Variants in FGF17 observed in about 807,000 individuals in gnomAD.
FGF17 encodes fibroblast growth factor 17.
In FGF17, 5 loss-of-function variants were observed where a neutral mutation model predicts 23.5. That is an observed-to-expected ratio of 0.21 (90% confidence interval 0.11 to 0.45). The LOEUF is 0.45. Among genes scored for constraint, FGF17 ranks in the 20% least tolerant of loss-of-function variants. The probability of loss-of-function intolerance (pLI) is 0.99; values close to 1 mark genes in which losing one functional copy is unlikely to be tolerated. For synonymous variants in FGF17, 136 were observed against 123.0 expected (o/e 1.11, Z -0.70); for missense variants, 221 against 306.9 (o/e 0.72, Z 2.09).
chr8:22,044,758 CAGTA>C (rs1259817454), intron 2 of FGF17: 2 of 985,444 alleles, frequency 2.0e-6, no homozygotes, highest in Non-Finnish European at 2.4e-6. Context: ...CAACGGTGCA[CAGTA>C]AGTGTTAACC....
At chr8:22,042,453 G>T (rs915272111), upstream of FGF17, 1 of 190,144 alleles carries the variant, frequency 5.3e-6, no homozygotes, top group Non-Finnish European at 1.1e-5. Context: ...GAGGTGGGGC[G>T]CCAGACCTGA....
chr8:22,042,928 G>C lies in FGF17; in HGVS notation c.-1G>C. ...CAACCGCCTGAGGAACCTCTCCAGC[G>C]ATGGGAGCCGCCCGCCTGCTGCCCA... On this transcript the variant is annotated 5_prime_UTR_variant, in exon 1 of 5. Transcript: ENST00000359441. 6.2e-7 allele frequency: 1 copy of C among 1,613,392 alleles called. No homozygotes were observed. The highest frequency in any genetic ancestry group is 8.5e-7 in the Non-Finnish European group (1 of 1,179,758).
intron 2 of FGF17, among the ~76,000 whole-genome samples, chr8:22,044,358 G>A (rs1202309624): frequency 2.6e-5 from 4 of 152,124 alleles, no homozygotes; most frequent in Admixed American, 2.6e-4. Context: ...TGGTGGAAGG[G>A]GAGGTCCTCC....
In FGF17 at chr8:22,048,465, G is replaced by A; in HGVS notation, c.*216G>A. 3.4e-6 allele frequency: 2 copies of A among 588,174 alleles called. No individual in the cohort carries two copies. Among genetic ancestry groups the A allele is most frequent in the Non-Finnish European group, 6.1e-6 (2 of 330,544 alleles). 36.4% of individuals were successfully genotyped at this position (588,174 alleles called of 1,614,324 possible). On this transcript the variant is annotated 3_prime_UTR_variant, in exon 5 of 5. Transcript: ENST00000359441. This position sits in a 1 kb window ranked among gnomAD's most constrained non-coding sequence, Gnocchi z 6.9. ...CTTCCCGGACGGGTGGCAGGCCCTG[G>A]AGAGGAACTGAGTGTCACCCTGATC...
chr8:22,042,896 A>G lies in FGF17; in HGVS notation c.-33A>G, dbSNP rs776795875. The G allele has an allele frequency of 1.2e-6, 2 of 1,612,408 alleles. No individual in the cohort carries two copies. Among genetic ancestry groups the G allele is most frequent in the Non-Finnish European group, 1.7e-6 (2 of 1,179,342 alleles). ...CACATCTGCTCCTGAGCTTGGGGGCAGGGGGGCAACCGCCTGAGGAACCTC... is the reference window on the plus strand; with the variant it reads ...CACATCTGCTCCTGAGCTTGGGGGCGGGGGGGCAACCGCCTGAGGAACCTC... On this transcript the variant is annotated 5_prime_UTR_variant, in exon 1 of 5. Coordinates refer to ENST00000359441, the MANE Select transcript of FGF17 (RefSeq NM_003867.4).
At chr8:22,040,520 C>A (rs1434691602), upstream of FGF17, among the ~76,000 whole-genome samples, 1 of 152,236 alleles carries the variant, frequency 6.6e-6, no homozygotes, top group African/African-American at 2.4e-5. Flanking sequence ...CCAGCCATGC[C>A]CAGAGCTAAC....
At chr8:22,043,118 C>G in intron 1 of FGF17, 27 bp from the exon 2 acceptor site, 2 of 1,613,408 alleles carry the variant, frequency 1.2e-6, no homozygotes, top group South Asian at 1.1e-5. Context: ...GCACCCACAC[C>G]TGGGCTTACC....
intron 2 of FGF17, chr8:22,044,563 G>A (rs534280686): frequency 9.3e-4 from 421 of 453,600 alleles, no homozygotes; most frequent in Non-Finnish European, 1.1e-3. Context: ...CAAGAGGGGC[G>A]GAGGGCCTGA....
intron 2 of FGF17, chr8:22,044,859 A>C (rs1347207297): frequency 1.0e-6 from 1 of 985,176 alleles, no homozygotes; most frequent in Non-Finnish European, 1.2e-6. Context: ...TCCCTAGGAG[A>C]GAGTAGCCCC....
At chr8:22,045,231 C>T in intron 2 of FGF17, 12 of 985,560 alleles carry the variant, frequency 1.2e-5, no homozygotes, top group African/African-American at 1.7e-5. Context: ...AAAGGGGAAG[C>T]AGGTGGGCGG....
In FGF17 at chr8:22,048,433, G is replaced by A. The variant is rs942605015; in HGVS notation, c.*184G>A. ...CGGTGCCCCAGGGGCGGCTGGCACA[G>A]TGCCCCCTTCCCGGACGGGTGGCAG... On this transcript the variant is annotated 3_prime_UTR_variant, in exon 5 of 5. Transcript: ENST00000359441. This position sits in a 1 kb window ranked among gnomAD's most constrained non-coding sequence, Gnocchi z 6.9. The A allele has an allele frequency of 2.1e-5, 13 of 614,590 alleles. No individual in the cohort carries two copies. Among genetic ancestry groups the A allele is most frequent in the African/African-American group, 1.1e-4 (6 of 54,104 alleles). 38.1% of individuals were successfully genotyped at this position (614,590 alleles called of 1,614,324 possible).
rs370093040 is a variant in FGF17 at position 22,046,676 on chromosome 8, T to G, written c.357+43T>G. The G allele has an allele frequency of 1.0e-3, 1,436 of 1,389,822 alleles. 14 individuals are homozygous for G. The highest frequency in any genetic ancestry group is 3.5e-4 in the Middle Eastern group (2 of 5,656). The allele number at this position is 1,389,822 out of a possible 1,614,324, so 86.1% of individuals were successfully genotyped here. ...GGAAGTAACAGAGAATCAGCCCTAC[T>G]GGGGTGGGGACATATAGGGCATCAT... On this transcript the variant is annotated intron_variant, in intron 4 of 4. Coordinates refer to ENST00000359441, the MANE Select transcript of FGF17 (RefSeq NM_003867.4).
At chr8:22,039,948 G>A (rs1038633127), upstream of FGF17, among the ~76,000 whole-genome samples, 3 of 152,066 alleles carry the variant, frequency 2.0e-5, no homozygotes, top group African/African-American at 4.8e-5. Context: ...GACCCCAGCT[G>A]GGGGGTGTTG....
chr8:22,044,243 G>A (rs892251007), intron 2 of FGF17, among the ~76,000 whole-genome samples: 3 of 152,078 alleles, frequency 2.0e-5, no homozygotes, highest in African/African-American at 4.8e-5. Flanking sequence ...GTGGCAAAGC[G>A]GTCCTTTCCC....
Position 22,048,341 on chromosome 8 carries a change from CCAGA to C in FGF17, c.*93_*96del. On this transcript the variant is annotated 3_prime_UTR_variant, in exon 5 of 5. Coordinates refer to ENST00000359441, the MANE Select transcript of FGF17 (RefSeq NM_003867.4). This position sits in a 1 kb window ranked among gnomAD's most constrained non-coding sequence, Gnocchi z 6.9. ...CTGGGCTGGGGTGGCGGGAGGGGAG[CCAGA>C]TCCCCGAGGGAGGACCCTGAGGGCC... 1 of 1,163,060 alleles carries C rather than the reference CCAGA, an allele frequency of 8.6e-7. No homozygotes were observed. Among genetic ancestry groups the C allele is most frequent in the Non-Finnish European group, 1.2e-6 (1 of 841,096 alleles). The allele number at this position is 1,163,060 out of a possible 1,614,324, so 72.0% of individuals were successfully genotyped here. A position where few individuals can be genotyped will look rare whatever the true frequency, so the allele number is the denominator to read the frequency against.
At position 22,046,482 on chromosome 8, in the gene FGF17, G is replaced by A. The variant is rs768406192; in HGVS notation, c.251-45G>A. On this transcript the variant is annotated intron_variant, in intron 3 of 4. Coordinates refer to ENST00000359441, the MANE Select transcript of FGF17 (RefSeq NM_003867.4). Reference sequence around the variant, plus strand: ...TGGTCCCCTGCTGTAGCCATAGGCCGGCAGCCCCGATGGACGGAGGTCTTT... The same window carrying A: ...TGGTCCCCTGCTGTAGCCATAGGCCAGCAGCCCCGATGGACGGAGGTCTTT... 15 of 1,532,356 alleles carry A rather than the reference G, an allele frequency of 9.8e-6. No homozygotes were observed. In the South Asian group the frequency reaches 1.0e-4, roughly 10 times the overall value. The allele number at this position is 1,532,356 out of a possible 1,614,324, so 94.9% of individuals were successfully genotyped here. A position where few individuals can be genotyped will look rare whatever the true frequency, so the allele number is the denominator to read the frequency against.
At chr8:22,041,585 T>C (rs1476303530), upstream of FGF17, among the ~76,000 whole-genome samples, 1 of 152,176 alleles carries the variant, frequency 6.6e-6, no homozygotes, top group Admixed American at 6.5e-5. Flanking sequence ...TGGAGCTCTC[T>C]GTTCACCGGT....
At chr8:22,045,162 C>T (rs548882516) in intron 2 of FGF17, 484 of 985,450 alleles carry the variant, frequency 4.9e-4, no homozygotes, top group South Asian at 1.2e-3. Flanking sequence ...AGCTGGGAGG[C>T]GGTACTCCTC....
intron 2 of FGF17, among the ~76,000 whole-genome samples, chr8:22,044,031 C>A (rs904091088): frequency 6.6e-6 from 1 of 151,826 alleles, no homozygotes; most frequent in Non-Finnish European, 1.5e-5. Context: ...GACAATTCCC[C>A]CCCCCTTCCT....
Sources: gnomAD v4.1 joint callset for allele counts (sites outside exome capture counted in the v4.1 genomes callset) on GRCh38, gnomAD v4.1.1 for gene constraint, Gnocchi (gnomAD v3.1) non-coding constraint, MANE v1.5 for transcripts, NCBI Gene and HGNC (gene_info 2026-07-23, HGNC 2026-07-21) for gene names.